Variants in CDH12 observed in about 807,000 individuals in gnomAD.
The protein encoded by CDH12 is cadherin 12.
In CDH12, 41 loss-of-function variants were observed where a neutral mutation model predicts 74.1. That is an observed-to-expected ratio of 0.55 (90% CI 0.43 to 0.72). The LOEUF (loss-of-function observed/expected upper bound fraction) is 0.72. CDH12 is among the 30% of genes least tolerant of loss of function. CDH12 has a pLI of 0.00. For synonymous variants in CDH12, 399 were observed against 355.0 expected, an observed-to-expected ratio of 1.12 and a Z score of -1.39; for missense variants, 945 against 977.2, an observed-to-expected ratio of 0.97 and a Z score of 0.44.
intron 5 of CDH12, among the ~76,000 whole-genome samples, chr5:22,074,823 A>G (rs933401112): frequency 6.6e-6 from 1 of 152,046 alleles, no homozygotes; most frequent in Non-Finnish European, 1.5e-5. Flanking sequence ...GGTGCTAGAG[A>G]TGATGTGGAG....
intron 5 of CDH12, among the ~76,000 whole-genome samples, chr5:22,049,209 G>T (rs949312773): frequency 6.6e-6 from 1 of 152,064 alleles, no homozygotes; most frequent in Non-Finnish European, 1.5e-5. Flanking sequence ...CTGGGAATTA[G>T]TGGTCTATAT....
intron 5 of CDH12, among the ~76,000 whole-genome samples, chr5:22,058,215 C>T (rs1008354564): frequency 4.6e-5 from 7 of 152,012 alleles, no homozygotes; most frequent in Non-Finnish European, 8.8e-5. Context: ...CGCCTCCATG[C>T]CCAGGTAATT....
At position 22,110,332 on chromosome 5, in the gene CDH12, C is replaced by T. The variant is rs138318959; in HGVS notation, c.-186-31470G>A. Among the ~76,000 whole-genome samples the T allele has an allele frequency of 2.0e-3, 307 of 152,216 alleles. 1 individual carries two copies. The highest frequency in any genetic ancestry group is 7.2e-3 in the African/African-American group (298 of 41,542). ...GACAGGTTCTTCCTGCTGGTGAACA[C>T]ACAAAGACAATGGCATGACAGAAAA... On this transcript the variant is annotated intron_variant, in intron 4 of 14. Coordinates refer to ENST00000382254, the MANE Select transcript of CDH12 (RefSeq NM_004061.5).
intron 12 of CDH12, among the ~76,000 whole-genome samples, chr5:21,762,138 T>A (rs1744761070): frequency 6.6e-6 from 1 of 152,192 alleles, no homozygotes; most frequent in South Asian, 2.1e-4. Flanking sequence ...CCTTCTGTTA[T>A]AAACTAGCAA....
intron 8 of CDH12, among the ~76,000 whole-genome samples, chr5:21,828,834 A>AC (rs1748831188): frequency 7.5e-6 from 1 of 133,760 alleles, no homozygotes; most frequent in African/African-American, 2.9e-5. Flanking sequence ...CATTTTGATG[A>AC]TTTTTTTTTC....
intron 4 of CDH12, among the ~76,000 whole-genome samples, chr5:22,119,292 T>C (rs1335534079): frequency 1.3e-5 from 2 of 149,610 alleles, no homozygotes; most frequent in East Asian, 3.9e-4. Context: ...TTCGTTTTTT[T>C]TTTTTTTTTT....
At chr5:22,341,310 C>T (rs1191163217) in intron 3 of CDH12, among the ~76,000 whole-genome samples, 1 of 151,956 alleles carries the variant, frequency 6.6e-6, no homozygotes, top group African/African-American at 2.4e-5. Context: ...ACAGTGATAC[C>T]CCTATCTCTA....
chr5:21,828,184 A>G lies in CDH12; in HGVS notation c.815-11052T>C, dbSNP rs544936692. Among the ~76,000 whole-genome samples the G allele has an allele frequency of 2.0e-3, 309 of 151,510 alleles. 2 individuals carry two copies. The highest frequency in any genetic ancestry group is 3.3e-3 in the Admixed American group (50 of 15,180). ...GTTGCCCAGGCTGGAGTGCAGTGAC[A>G]GGATCTCATCTCACTGCACCGTCCA... On this transcript the variant is annotated intron_variant, in intron 8 of 14. Transcript: ENST00000382254.
At chr5:22,666,129 A>T (rs1056219710) in intron 1 of CDH12, among the ~76,000 whole-genome samples, 5 of 152,106 alleles carry the variant, frequency 3.3e-5, no homozygotes, top group Non-Finnish European at 7.4e-5. Flanking sequence ...TATTTACCTC[A>T]GTAAATGGAC....
chr5:22,304,827 G>A (rs1738033922), intron 3 of CDH12, among the ~76,000 whole-genome samples: 1 of 152,194 alleles, frequency 6.6e-6, no homozygotes, highest in African/African-American at 2.4e-5. Context: ...CACCTTGTCA[G>A]TTATGCATAA....
At chr5:22,358,632 G>A (rs1360604215) in intron 3 of CDH12, among the ~76,000 whole-genome samples, 1 of 152,052 alleles carries the variant, frequency 6.6e-6, no homozygotes, top group Non-Finnish European at 1.5e-5. Context: ...TGTGGCCCAG[G>A]GCCTATTGGT....
At chr5:22,807,239 A>G (rs895002867) in intron 1 of CDH12, among the ~76,000 whole-genome samples, 3 of 152,204 alleles carry the variant, frequency 2.0e-5, no homozygotes, top group Non-Finnish European at 4.4e-5. Context: ...ATAATATTAT[A>G]GTCATTATGT....
rs939548597 is a variant in CDH12, at chr5:21,927,311, C to T, written c.526+47780G>A. Reference sequence around the variant, plus strand: ...AAATATTATAATAAATCAGGCCGGGCACGGTGGCTCACGCCTGTAATCCTA... The same window carrying T: ...AAATATTATAATAAATCAGGCCGGGTACGGTGGCTCACGCCTGTAATCCTA... On this transcript the variant is annotated intron_variant, in intron 6 of 14. Transcript: ENST00000382254. Among the ~76,000 whole-genome samples, 9 of 152,120 alleles carry T rather than the reference C, an allele frequency of 5.9e-5. No homozygotes were observed. In the South Asian group the frequency reaches 1.9e-3, roughly 32 times the overall value.
chr5:22,493,298 C>A, intron 2 of CDH12, among the ~76,000 whole-genome samples: 1 of 152,080 alleles, frequency 6.6e-6, no homozygotes. Context: ...ATTAATAATT[C>A]ATTTGTTGAT....
chr5:21,796,439 C>T (rs565862115), intron 10 of CDH12, among the ~76,000 whole-genome samples: 2 of 152,106 alleles, frequency 1.3e-5, no homozygotes, highest in African/African-American at 4.8e-5. Context: ...GAATGCATAT[C>T]GTTTTCACAC....
intron 3 of CDH12, among the ~76,000 whole-genome samples, chr5:22,367,193 T>C (rs1488669462): frequency 6.6e-6 from 1 of 152,180 alleles, no homozygotes; most frequent in East Asian, 1.9e-4. Flanking sequence ...CATCTCCTTC[T>C]CCTTTCTGCA....
At chr5:22,239,127 T>A (rs1390703275) in intron 3 of CDH12, among the ~76,000 whole-genome samples, 1 of 152,200 alleles carries the variant, frequency 6.6e-6, no homozygotes, top group Non-Finnish European at 1.5e-5. Context: ...GACCCTTCCT[T>A]GGGCTGATGA....
At chr5:22,465,860 A>G (rs1745708152) in intron 2 of CDH12, among the ~76,000 whole-genome samples, 1 of 152,144 alleles carries the variant, frequency 6.6e-6, no homozygotes, top group Non-Finnish European at 1.5e-5. Context: ...CTCTCTTACA[A>G]AAACTATAAT....
chr5:22,444,737 T>A (rs968347191), intron 2 of CDH12, among the ~76,000 whole-genome samples: 2 of 152,054 alleles, frequency 1.3e-5, no homozygotes, highest in African/African-American at 4.8e-5. Flanking sequence ...TTACTGAAAA[T>A]AAATTATATG....
Sources: allele counts gnomAD v4.1 joint callset (sites outside exome capture counted in the v4.1 genomes callset), GRCh38; gene constraint gnomAD v4.1.1; transcripts MANE v1.5; gene names NCBI Gene and HGNC (gene_info 2026-07-23, HGNC 2026-07-21).